SZT2: variants seen among roughly 807,000 people sequenced by gnomAD.
SZT2 encodes the protein KICSTOR complex protein SZT2.
A neutral mutation model predicts 404.2 loss-of-function variants in SZT2; 216 were observed. The ratio of observed to expected loss-of-function variants is 0.53; its 90% CI spans 0.48 to 0.60. SZT2 has a LOEUF of 0.60. Among genes scored for constraint, SZT2 ranks in the 20% least tolerant of loss-of-function variants. The pLI, the probability that SZT2 is intolerant of heterozygous loss-of-function variation, is 0.00. For missense variants in SZT2, 3,857 were observed against 4,459.2 expected, an observed-to-expected ratio of 0.86 and a Z score of 3.85; for synonymous variants, 1,693 against 1,749.9, an observed-to-expected ratio of 0.97 and a Z score of 0.81.
At chr1:43,390,592 C>T (rs749892740) in intron 1 of SZT2, among the ~76,000 whole-genome samples, 2 of 152,162 alleles carry the variant, frequency 1.3e-5, no homozygotes, top group African/African-American at 2.4e-5. Context: ...ATGTAATAAA[C>T]CAGAAAGGTG....
At chr1:43,409,731 CTA>C (rs1158346047) in intron 4 of SZT2, 2 of 175,758 alleles carry the variant, frequency 1.1e-5, no homozygotes, top group African/African-American at 4.8e-5. Context: ...ACAATGAAAA[CTA>C]TAAAACATCG....
Position 43,448,793 on chromosome 1 carries a change from C to A in SZT2, c.10086+65C>A. ...CAGAAATCCTCACCAAACAGATGTG[C>A]CCCTCAGCCTGACCAAACAAGCTCT... On this transcript the variant is annotated intron_variant, in intron 70 of 71. Coordinates refer to ENST00000634258, the MANE Select transcript of SZT2 (RefSeq NM_001365999.1). This position sits in a 1 kb window ranked among gnomAD's most constrained non-coding sequence, Gnocchi z 4.2. The A allele has an allele frequency of 6.8e-7, 1 of 1,469,974 alleles. No homozygotes were observed. Among genetic ancestry groups the A allele is most frequent in the Non-Finnish European group, 9.5e-7 (1 of 1,050,306 alleles). The allele number at this position is 1,469,974 out of a possible 1,614,324, so 91.1% of individuals were successfully genotyped here. A position where few individuals can be genotyped will look rare whatever the true frequency, so the allele number is the denominator to read the frequency against.
At chr1:43,391,068 A>G (rs1648249099) in intron 1 of SZT2, among the ~76,000 whole-genome samples, 1 of 152,200 alleles carries the variant, frequency 6.6e-6, no homozygotes, top group Non-Finnish European at 1.5e-5. Context: ...TGTAATCCCA[A>G]CACTGGGAGG....
intron 51 of SZT2, 140 bp from the exon 52 acceptor site, chr1:43,440,313 A>G (rs1283093735): frequency 7.5e-7 from 1 of 1,334,176 alleles, no homozygotes; most frequent in Non-Finnish European, 1.0e-6. Flanking sequence ...ATGCAGCAGC[A>G]CACTATCAGT....
chr1:43,391,238 C>T (rs771783736), intron 1 of SZT2, among the ~76,000 whole-genome samples: 7 of 151,722 alleles, frequency 4.6e-5, no homozygotes, highest in Non-Finnish European at 7.4e-5. Flanking sequence ...CGCTTGAACC[C>T]GGGAGGTGGA....
At position 43,442,656 on chromosome 1, in the gene SZT2, C is replaced by T. The variant is rs1172188136; in HGVS notation, c.8151+38C>T. 2 of 1,558,478 alleles carry T rather than the reference C, an allele frequency of 1.3e-6. No individual in the cohort carries two copies. The highest frequency in any genetic ancestry group is 4.5e-5 in the East Asian group (2 of 44,284). ...CTGGTTCTTCCTATAGTTTTGGCTA[C>T]TGAGGGGTCAGTTAAAGGAAAAACC... is the stretch of plus-strand genomic sequence containing the variant. On this transcript the variant is annotated intron_variant, in intron 58 of 71. Transcript: ENST00000634258. The surrounding 1 kb of genome is among the most constrained non-coding windows in gnomAD (Gnocchi z 4.5).
chr1:43,391,813 GGCTCACGCC>G (rs1489422815), intron 1 of SZT2, among the ~76,000 whole-genome samples: 700 of 20,008 alleles, frequency 0.035, 281 homozygotes, highest in Middle Eastern at 0.067. Context: ...CGGGCGCGGT[GGCTCACGCC>G]TGTAATCCCA....
intron 1 of SZT2, among the ~76,000 whole-genome samples, chr1:43,399,279 A>G (rs1428776673): frequency 1.3e-5 from 2 of 152,080 alleles, no homozygotes; most frequent in Admixed American, 1.3e-4. Flanking sequence ...TTTGTTTTCC[A>G]TAATAAGACT....
At position 43,428,521 on chromosome 1, in the gene SZT2, A is replaced by G. The variant is rs373532777; in HGVS notation, c.4166+35A>G. 5.4e-5 allele frequency: 87 copies of G among 1,601,570 alleles called. No individual in the cohort carries two copies. In the African/African-American group the frequency reaches 1.1e-3, roughly 20 times the overall value. ...ATACTTGAATGATGGATAAGGGGGT[A>G]CACAGACCAAGTCCCTATAAACAAG... On this transcript the variant is annotated intron_variant, in intron 28 of 71. Transcript: ENST00000634258.
At chr1:43,433,928 A>G (rs1304038091) in intron 40 of SZT2, among the ~76,000 whole-genome samples, 1 of 152,238 alleles carries the variant, frequency 6.6e-6, no homozygotes, top group African/African-American at 2.4e-5. Context: ...ACTGAAGCAC[A>G]GGCCAGTTAA....
Position 43,432,814 on chromosome 1 carries a change from C to T in SZT2, c.5602+15C>T, listed in dbSNP as rs201115775. The T allele has an allele frequency of 2.4e-4, 383 of 1,612,890 alleles. No homozygotes were observed. The highest frequency in any genetic ancestry group is 3.3e-4 in the Middle Eastern group (2 of 6,058). On this transcript the variant is annotated intron_variant, in intron 39 of 71. Coordinates refer to ENST00000634258, the MANE Select transcript of SZT2 (RefSeq NM_001365999.1). ...AGACCACCTAGGTAAGCTGGGGGGA[C>T]GGGGTGAAGGACTCTAAGCTGATGG...
rs1653421587 is a variant in SZT2, at chr1:43,428,223, C to T, written c.3920-17C>T. On this transcript the variant is annotated splice_polypyrimidine_tract_variant and intron_variant, in intron 27 of 71. Coordinates refer to ENST00000634258, the MANE Select transcript of SZT2 (RefSeq NM_001365999.1). ...ATTCCAGAGCTCAAGCCTCATGGCC[C>T]CTTCCACTTCCATCAGGGCTATTCC... 2 of 1,614,082 alleles carry T rather than the reference C, an allele frequency of 1.2e-6. No homozygotes were observed. The highest frequency in any genetic ancestry group is 1.7e-6 in the Non-Finnish European group (2 of 1,179,940).
intron 28 of SZT2, 181 bp from the exon 29 acceptor site, chr1:43,429,522 T>A: frequency 1.6e-6 from 1 of 639,026 alleles, no homozygotes; most frequent in Non-Finnish European, 2.7e-6. Flanking sequence ...AAAAGAAATA[T>A]GGAGGTTAAA....
Position 43,416,601 on chromosome 1 carries a change from AC to A in SZT2, c.841del (p.Gln281SerfsTer32), listed in dbSNP as rs1293522591. The A allele has an allele frequency of 6.3e-7, 1 of 1,598,296 alleles. No homozygotes were observed. The highest frequency in any genetic ancestry group is 8.5e-7 in the Non-Finnish European group (1 of 1,179,764). ...GTTGCTGTCTGTGAGACACTGCTGA[AC>A]CAGCTTCGCAGTGGCACTGTGGCTT... is the stretch of plus-strand genomic sequence containing the variant. ...PDVAVCETLLNQLRSGTVACS... is the reference protein window; with the variant it reads ...PDVAVCETLLXQLRSGTVACS... On this transcript the variant is annotated frameshift_variant, in exon 7 of 72. Coordinates refer to ENST00000634258, the MANE Select transcript of SZT2 (RefSeq NM_001365999.1). LOFTEE classifies it high-confidence loss of function.
In SZT2 at chr1:43,428,316, G is replaced by A; in HGVS notation, c.3996G>A (p.Glu1332=). The A allele has an allele frequency of 6.2e-7, 1 of 1,614,196 alleles. No homozygotes were observed. Residue 1332 remains glutamate, a synonymous_variant, in exon 28 of 72, where the codon GAG becomes GAA. Transcript: ENST00000634258. The part of the protein sequence containing the change: ...DLLTAVDACE[E]LLQEIDITPF... ...TGACAGCGGTAGATGCCTGTGAGGA[G>A]CTACTACAAGAAATAGACATCACCC...
In SZT2 at chr1:43,426,828, C is replaced by A. The variant is rs759933909; in HGVS notation, c.3309+19C>A. On this transcript the variant is annotated intron_variant, in intron 23 of 71. Transcript: ENST00000634258. The surrounding 1 kb of genome is among the most constrained non-coding windows in gnomAD (Gnocchi z 4.9). ...TTCCCTGGTCAGCACCGATTCTTCT[C>A]CCTGAGCCCTTGTCACACTGACCTC... The A allele has an allele frequency of 1.2e-6, 2 of 1,610,508 alleles. No homozygotes were observed. Among genetic ancestry groups the A allele is most frequent in the African/African-American group, 2.7e-5 (2 of 74,862 alleles).
At chr1:43,391,322 A>G (rs1042242472) in intron 1 of SZT2, among the ~76,000 whole-genome samples, 1 of 152,216 alleles carries the variant, frequency 6.6e-6, no homozygotes, top group African/African-American at 2.4e-5. Flanking sequence ...CTCAAAAAAA[A>G]AAAAAAGTAA....
chr1:43,426,230 G>A lies in SZT2; in HGVS notation c.3043+79G>A. ...AAGTATTAGAAAATAACAAACAGAT[G>A]GGTCAGCAAGTGAGCAGATGAGTGG... On this transcript the variant is annotated intron_variant, in intron 21 of 71. Coordinates refer to ENST00000634258, the MANE Select transcript of SZT2 (RefSeq NM_001365999.1). The surrounding 1 kb of genome is among the most constrained non-coding windows in gnomAD (Gnocchi z 4.9). 3 of 1,529,080 alleles carry A rather than the reference G, an allele frequency of 2.0e-6. No individual in the cohort carries two copies. Among genetic ancestry groups the A allele is most frequent in the South Asian group, 2.4e-5 (2 of 83,808 alleles). 94.7% of individuals were successfully genotyped at this position (1,529,080 alleles called of 1,614,324 possible).
Position 43,449,178 on chromosome 1 carries a change from C to T in SZT2, c.10086+450C>T, listed in dbSNP as rs1656070378. On this transcript the variant is annotated intron_variant, in intron 70 of 71. Coordinates refer to ENST00000634258, the MANE Select transcript of SZT2 (RefSeq NM_001365999.1). ...CGGGATCTGCAGGTTGACAGTCTCC[C>T]CAGGTGATTTGTGTGCACACTGAGG... is the stretch of plus-strand genomic sequence containing the variant. The T allele has an allele frequency of 2.6e-5, 5 of 193,740 alleles. No homozygotes were observed. The South Asian group carries it at 2.9e-4, about 11-fold the overall frequency. 12.0% of individuals were successfully genotyped at this position (193,740 alleles called of 1,614,324 possible).
Sources: allele counts gnomAD v4.1 joint callset (sites outside exome capture counted in the v4.1 genomes callset), GRCh38; gene constraint gnomAD v4.1.1; non-coding constraint Gnocchi (gnomAD v3.1); transcripts MANE v1.5; gene names NCBI Gene and HGNC (gene_info 2026-07-23, HGNC 2026-07-21).